The following CFAP70 variants were observed in gnomAD, a reference collection of about 807,000 sequenced individuals.
CFAP70 encodes the protein cilia- and flagella-associated protein 70.
In CFAP70, 81 loss-of-function variants were observed where a neutral mutation model predicts 137.6. The ratio of observed to expected loss-of-function variants is 0.59; its 90% CI spans 0.49 to 0.71. CFAP70 has a LOEUF of 0.71. CFAP70 is among the 30% of genes least tolerant of loss of function. The probability of loss-of-function intolerance (pLI) is 0.00; values close to 1 mark genes in which losing one functional copy is unlikely to be tolerated. For missense variants in CFAP70, 976 were observed against 1,226.7 expected, an observed-to-expected ratio of 0.80 and a Z score of 3.05; for synonymous variants, 382 against 423.6, an observed-to-expected ratio of 0.90 and a Z score of 1.20.
intron 25 of CFAP70, among the ~76,000 whole-genome samples, chr10:73,266,090 C>T (rs1018885983): frequency 6.6e-6 from 1 of 152,038 alleles, no homozygotes; most frequent in Non-Finnish European, 1.5e-5. Context: ...TTATGATTTT[C>T]CCCACACAGG....
intron 15 of CFAP70, chr10:73,294,741 T>C (rs891929806): frequency 5.9e-5 from 9 of 152,274 alleles, no homozygotes; most frequent in Non-Finnish European, 7.3e-5. Flanking sequence ...ACAGAGATAA[T>C]AGAAATCATT....
chr10:73,293,386 G>A (rs2048314717), exon 16 of CFAP70: 1 of 1,589,310 alleles, frequency 6.3e-7, no homozygotes, highest in Non-Finnish European at 8.6e-7. Flanking sequence ...CATCTGGCAT[G>A]GTCTTGTCAA....
At chr10:73,253,797 C>T in exon 27 of CFAP70, 2 of 478,662 alleles carry the variant, frequency 4.2e-6, no homozygotes, top group Non-Finnish European at 7.5e-6. Context: ...TTATTGTGAC[C>T]CAGTTTCTCG....
rs1221614611 is a variant in CFAP70 at position 73,261,232 on chromosome 10, TTCTC to T, written c.3028-4820_3028-4817del. ...GCCTCAACCTTCCAGGAAAAGGTGATTCTCTCATCTCAGCCTCCCAAGTACATGG... is the reference window on the plus strand; with the variant it reads ...GCCTCAACCTTCCAGGAAAAGGTGATTCATCTCAGCCTCCCAAGTACATGG... On this transcript the variant is annotated intron_variant, in intron 25 of 26. Transcript: ENST00000310715. Among the ~76,000 whole-genome samples the T allele has an allele frequency of 7.2e-5, 11 of 152,200 alleles. No individual in the cohort carries two copies. The East Asian group carries it at 1.4e-3, about 19-fold the overall frequency.
At chr10:73,299,153 G>C in intron 13 of CFAP70, 52 bp from the exon 15 acceptor site, 1 of 1,338,768 alleles carries the variant, frequency 7.5e-7, no homozygotes, top group Non-Finnish European at 1.0e-6. Flanking sequence ...CAAGAGCATG[G>C]ATTGGAAGTC....
intron 16 of CFAP70, among the ~76,000 whole-genome samples, chr10:73,292,993 A>G (rs909647717): frequency 3.3e-5 from 5 of 152,106 alleles, no homozygotes; most frequent in African/African-American, 9.7e-5. Context: ...TTTGGAGTTG[A>G]GTTTTGTAAA....
At chr10:73,349,304 C>G (rs1371820823) in intron 3 of CFAP70, among the ~76,000 whole-genome samples, 2 of 152,032 alleles carry the variant, frequency 1.3e-5, no homozygotes, top group Non-Finnish European at 2.9e-5. Flanking sequence ...CTTTGGGAAG[C>G]TGAGGCGGGC....
At chr10:73,326,573 A>G (rs1187077624) in intron 8 of CFAP70, among the ~76,000 whole-genome samples, 6 of 150,658 alleles carry the variant, frequency 4.0e-5, no homozygotes, top group African/African-American at 1.5e-4. Context: ...GGATCAACAA[A>G]ATTGATAGAC....
intron 19 of CFAP70, among the ~76,000 whole-genome samples, chr10:73,284,042 C>G (rs1000766677): frequency 6.6e-6 from 1 of 152,182 alleles, no homozygotes; most frequent in Non-Finnish European, 1.5e-5. Flanking sequence ...TAAAACAACA[C>G]AAACATATTA....
At position 73,277,349 on chromosome 10, in the gene CFAP70, C is replaced by T. The variant is rs189959520; in HGVS notation, c.2411G>A (p.Cys804Tyr). 37 of 1,613,312 alleles carry T rather than the reference C, an allele frequency of 2.3e-5. No individual in the cohort carries two copies. The Admixed American group carries it at 5.8e-4, about 26-fold the overall frequency. The stretch of plus-strand genomic sequence containing the variant: ...ATGCAGAAGAGCTGATGAATCTTGA[C>T]ATTTTGATGCTTCTGAAAATATTAC... Residue 804 changes from cysteine (C) to tyrosine (Y), a missense_variant, in exon 21 of 27, where the codon TGT becomes TAT. By Grantham distance (194) the Cys-to-Tyr change is radical (BLOSUM62 -2). Coordinates refer to ENST00000310715, the Ensembl canonical transcript of CFAP70.
At chr10:73,344,637 T>G (rs2053554933) in intron 5 of CFAP70, among the ~76,000 whole-genome samples, 1 of 152,172 alleles carries the variant, frequency 6.6e-6, no homozygotes. Flanking sequence ...GCAAGCAAGT[T>G]AGAAATCTCC....
exon 21 of CFAP70, chr10:73,277,356 A>G (rs746125999): frequency 5.6e-6 from 9 of 1,612,818 alleles, no homozygotes; most frequent in Non-Finnish European, 7.6e-6. Flanking sequence ...TGACATTTTG[A>G]TGCTTCTGAA....
At chr10:73,257,186 A>T (rs2044609919) in intron 25 of CFAP70, among the ~76,000 whole-genome samples, 1 of 152,204 alleles carries the variant, frequency 6.6e-6, no homozygotes, top group South Asian at 2.1e-4. Flanking sequence ...TACAGAGAGG[A>T]TAAGTAACTT....
intron 9 of CFAP70, among the ~76,000 whole-genome samples, chr10:73,318,530 C>G (rs997069475): frequency 6.6e-6 from 1 of 152,076 alleles, no homozygotes; most frequent in Non-Finnish European, 1.5e-5. Flanking sequence ...TTCTGTGTGC[C>G]AACTACATTC....
intron 20 of CFAP70, among the ~76,000 whole-genome samples, chr10:73,277,643 TCA>T (rs1460501470): frequency 6.6e-6 from 1 of 150,408 alleles, no homozygotes; most frequent in Non-Finnish European, 1.5e-5. Context: ...AACCAAGGAG[TCA>T]GAGGTTGCAG....
chr10:73,326,382 C>G (rs2051424676), intron 8 of CFAP70, among the ~76,000 whole-genome samples: 1 of 145,798 alleles, frequency 6.9e-6, no homozygotes, highest in Non-Finnish European at 1.5e-5. Context: ...CAAGAGAAAG[C>G]AGGAAAGATC....
chr10:73,348,173 G>A, intron 4 of CFAP70: 1 of 1,614,164 alleles, frequency 6.2e-7, no homozygotes, highest in South Asian at 1.1e-5. Flanking sequence ...CTTGATCTAG[G>A]AGTTTCTAAG....
intron 10 of CFAP70, 65 bp downstream of exon 11, chr10:73,312,408 A>G: frequency 8.3e-7 from 1 of 1,204,718 alleles, no homozygotes; most frequent in East Asian, 2.5e-5. Flanking sequence ...TCACCAAGTG[A>G]GAAATCAGTG....
intron 5 of CFAP70, 102 bp downstream of exon 6, chr10:73,344,963 G>C: frequency 1.2e-6 from 1 of 813,332 alleles, no homozygotes. Flanking sequence ...TCAGCTATTA[G>C]CAGTGCAATG....
Sources: allele counts gnomAD v4.1 joint callset (sites outside exome capture counted in the v4.1 genomes callset), GRCh38; gene constraint gnomAD v4.1.1; transcripts MANE v1.5; gene names NCBI Gene and HGNC (gene_info 2026-07-23, HGNC 2026-07-21).